SLAIN2: variants seen among roughly 807,000 people sequenced by gnomAD.
The protein encoded by SLAIN2 is SLAIN motif-containing protein 2.
SLAIN2 carries 31 observed loss-of-function variants against 56.6 expected under a neutral mutation model. That is an observed-to-expected ratio of 0.55 (90% CI 0.41 to 0.74). SLAIN2 has a LOEUF of 0.74. Ranked by LOEUF, SLAIN2 falls within the 30% of genes least tolerant of loss-of-function variation. The pLI, the probability that SLAIN2 is intolerant of heterozygous loss-of-function variation, is 0.00. For synonymous variants in SLAIN2, 317 were observed against 284.9 expected (o/e 1.11, Z -1.13); for missense variants, 777 against 754.2 (o/e 1.03, Z -0.35).
intron 6 of SLAIN2, among the ~76,000 whole-genome samples, chr4:48,408,708 AAATAGTT>A (rs1716769110): frequency 6.6e-6 from 1 of 152,156 alleles, no homozygotes; most frequent in African/African-American, 2.4e-5. Context: ...TTATAAACTA[AAATAGTT>A]AACAGTAAGC....
intron 1 of SLAIN2, among the ~76,000 whole-genome samples, chr4:48,360,333 T>A (rs957040276): frequency 1.3e-5 from 2 of 152,088 alleles, no homozygotes; most frequent in African/African-American, 4.8e-5. Flanking sequence ...GGCTCATGCT[T>A]GTAATCCCAG....
At chr4:48,349,650 T>C (rs1337405249) in intron 1 of SLAIN2, among the ~76,000 whole-genome samples, 1 of 152,212 alleles carries the variant, frequency 6.6e-6, no homozygotes, top group African/African-American at 2.4e-5. Context: ...GCTTTTAGAA[T>C]TTAAAAAATC....
At chr4:48,411,122 G>GT (rs1380654045) in intron 6 of SLAIN2, among the ~76,000 whole-genome samples, 2 of 152,112 alleles carry the variant, frequency 1.3e-5, no homozygotes, top group Non-Finnish European at 2.9e-5. Flanking sequence ...GTGTGTGTGT[G>GT]TTTAAGGGAT....
chr4:48,406,946 A>G (rs1716713484), intron 6 of SLAIN2, among the ~76,000 whole-genome samples: 1 of 152,038 alleles, frequency 6.6e-6, no homozygotes, highest in Non-Finnish European at 1.5e-5. Flanking sequence ...CTTTTTCTTT[A>G]TAATAATTTA....
At chr4:48,353,482 C>CT (rs923309733) in intron 1 of SLAIN2, among the ~76,000 whole-genome samples, 4 of 151,570 alleles carry the variant, frequency 2.6e-5, no homozygotes, top group Admixed American at 6.6e-5. Context: ...AAAAAGGAAA[C>CT]TTTTTTTTTC....
At chr4:48,391,351 C>T (rs1340707393) in intron 6 of SLAIN2, among the ~76,000 whole-genome samples, 3 of 152,144 alleles carry the variant, frequency 2.0e-5, no homozygotes, top group Admixed American at 6.5e-5. Context: ...CTAATTAAGT[C>T]TTACATGAAG....
chr4:48,420,563 A>C, intron 7 of SLAIN2, 120 bp downstream of exon 7: 1 of 1,088,048 alleles, frequency 9.2e-7, no homozygotes, highest in South Asian at 1.5e-5. Flanking sequence ...TTCCCACCAG[A>C]GTTTTAGTAC....
At chr4:48,375,206 GA>G (rs1715777366) in intron 2 of SLAIN2, among the ~76,000 whole-genome samples, 1 of 152,060 alleles carries the variant, frequency 6.6e-6, no homozygotes. Context: ...GGAGGAGGAG[GA>G]AAAAGGTAGA....
At chr4:48,374,695 G>A (rs1232650648) in intron 2 of SLAIN2, among the ~76,000 whole-genome samples, 2 of 152,206 alleles carry the variant, frequency 1.3e-5, no homozygotes, top group Non-Finnish European at 2.9e-5. Flanking sequence ...GGGCAAGAGT[G>A]AATGTAGGAT....
intron 1 of SLAIN2, among the ~76,000 whole-genome samples, chr4:48,354,951 G>A (rs1646716229): frequency 6.6e-6 from 1 of 151,872 alleles, no homozygotes; most frequent in Admixed American, 6.6e-5. Flanking sequence ...CCAGGCTGGA[G>A]TGCTGTGGCA....
In SLAIN2 at chr4:48,369,806, G is replaced by C. The variant is rs1207327188; in HGVS notation, c.390-43G>C. The C allele has an allele frequency of 2.5e-6, 4 of 1,584,320 alleles. No individual in the cohort carries two copies. The African/African-American group carries it at 4.1e-5, about 16-fold the overall frequency. On this transcript the variant is annotated intron_variant, in intron 1 of 7. Transcript: ENST00000264313. ...AAGGATCCCTGTTTTATATAACCTT[G>C]TGCTTAATAAGGAATTTTCTGTTTT...
chr4:48,357,887 C>T (rs1292502408), intron 1 of SLAIN2, among the ~76,000 whole-genome samples: 1 of 151,768 alleles, frequency 6.6e-6, no homozygotes, highest in African/African-American at 2.4e-5. Context: ...TTTGTAGAGA[C>T]AGTGTCTCAC....
chr4:48,392,053 A>T (rs1235087224), intron 6 of SLAIN2, among the ~76,000 whole-genome samples: 2 of 152,080 alleles, frequency 1.3e-5, no homozygotes, highest in Non-Finnish European at 2.9e-5. Flanking sequence ...CTCTATTATT[A>T]GAAAGATTCA....
chr4:48,361,134 CACTT>C (rs1401476554), intron 1 of SLAIN2, among the ~76,000 whole-genome samples: 2 of 152,164 alleles, frequency 1.3e-5, no homozygotes, highest in African/African-American at 4.8e-5. Context: ...ATAGTGGAGA[CACTT>C]AATATGATCT....
intron 1 of SLAIN2, among the ~76,000 whole-genome samples, chr4:48,342,988 A>G (rs1176999471): frequency 6.6e-6 from 1 of 152,114 alleles, no homozygotes; most frequent in African/African-American, 2.4e-5. Context: ...AGGACATGGG[A>G]GGCTTTTCCT....
intron 3 of SLAIN2, 48 bp downstream of exon 3, chr4:48,378,108 C>G: frequency 6.4e-7 from 1 of 1,554,816 alleles, no homozygotes; most frequent in South Asian, 1.2e-5. Flanking sequence ...TTTTAGCTTA[C>G]TGCACTGTAT....
In SLAIN2 at chr4:48,420,386, C is replaced by T. The variant is rs1217380189; in HGVS notation, c.1622C>T (p.Ala541Val). 1 of 1,613,992 alleles carries T rather than the reference C, an allele frequency of 6.2e-7. No homozygotes were observed. Among genetic ancestry groups the T allele is most frequent in the Non-Finnish European group, 8.5e-7 (1 of 1,179,866 alleles). ...AGAAGTGGCTTGCCCAGACCCAGTG[C>T]CCCTTCTGCTGGGGGCATACCAGTG... The part of the protein sequence containing the change: ...AMRSGLPRPS[A>V]PSAGGIPVPR... The change falls in exon 7 of 8, where the codon GCC becomes GTC. Residue 541 changes from alanine (A) to valine (V), a missense_variant. By Grantham distance (64) the Ala-to-Val change is moderately conservative (BLOSUM62 0). Coordinates refer to ENST00000264313, the MANE Select transcript of SLAIN2 (RefSeq NM_020846.2).
At chr4:48,343,414 A>C (rs1277465849) in intron 1 of SLAIN2, among the ~76,000 whole-genome samples, 1 of 152,258 alleles carries the variant, frequency 6.6e-6, no homozygotes, top group East Asian at 1.9e-4. Flanking sequence ...TAGTTACTTA[A>C]ATCAAGAAAC....
intron 6 of SLAIN2, among the ~76,000 whole-genome samples, chr4:48,387,871 T>C (rs970055968): frequency 8.5e-5 from 13 of 152,068 alleles, no homozygotes; most frequent in African/African-American, 3.1e-4. Context: ...ATTTGTACAA[T>C]TATTATAATA....
Sources: gnomAD v4.1 joint callset for allele counts (sites outside exome capture counted in the v4.1 genomes callset) on GRCh38, gnomAD v4.1.1 for gene constraint, MANE v1.5 for transcripts, NCBI Gene and HGNC (gene_info 2026-07-23, HGNC 2026-07-21) for gene names.